Variants in PTPRT observed in about 807,000 individuals in gnomAD.
PTPRT encodes the protein protein tyrosine phosphatase receptor type T.
Under a neutral mutation model 176.8 loss-of-function variants are expected in PTPRT, and 56 were observed. The observed-to-expected ratio is 0.32, with a 90% CI of 0.26 to 0.40. The LOEUF (loss-of-function observed/expected upper bound fraction) is 0.40. Among genes scored for constraint, PTPRT ranks in the 10% least tolerant of loss-of-function variants. The probability of loss-of-function intolerance (pLI) is 1.00; values close to 1 mark genes in which losing one functional copy is unlikely to be tolerated. For missense variants in PTPRT, 1,540 were observed against 1,908.2 expected (o/e 0.81, Z 3.60); for synonymous variants, 783 against 739.0 (o/e 1.06, Z -0.96).
At chr20:42,985,292 C>T (rs1295857420) in intron 1 of PTPRT, among the ~76,000 whole-genome samples, 2 of 151,938 alleles carry the variant, frequency 1.3e-5, no homozygotes, top group Admixed American at 6.6e-5. Context: ...GTCAGGAGTT[C>T]GAGACCAGCC....
chr20:43,167,773 C>T (rs2014892896), intron 1 of PTPRT, among the ~76,000 whole-genome samples: 2 of 152,200 alleles, frequency 1.3e-5, no homozygotes, highest in South Asian at 2.1e-4. Flanking sequence ...CAACAGCCCC[C>T]TCAAGGAGCT....
intron 7 of PTPRT, among the ~76,000 whole-genome samples, chr20:42,612,879 G>A (rs897426125): frequency 6.6e-6 from 1 of 151,854 alleles, no homozygotes; most frequent in African/African-American, 2.4e-5. Flanking sequence ...TCTGTGGTGT[G>A]GGAATGTGGT....
chr20:43,016,197 C>T (rs570095780), intron 1 of PTPRT, among the ~76,000 whole-genome samples: 1 of 152,336 alleles, frequency 6.6e-6, no homozygotes, highest in East Asian at 1.9e-4. Flanking sequence ...GGGACAGCTG[C>T]ACCCACAGCC....
intron 7 of PTPRT, among the ~76,000 whole-genome samples, chr20:42,659,006 A>C (rs1382360401): frequency 1.3e-5 from 2 of 152,098 alleles, no homozygotes; most frequent in Non-Finnish European, 2.9e-5. Flanking sequence ...ATTTTGTATA[A>C]TCTCCATGTG....
chr20:42,039,332 C>G, the PTPRT span, among the ~76,000 whole-genome samples: 5 of 152,084 alleles, frequency 3.3e-5, no homozygotes, highest in South Asian at 8.3e-4. Flanking sequence ...GTTCACATAC[C>G]TATTTTTGGC....
chr20:42,902,034 C>T (rs1212916285), intron 1 of PTPRT, among the ~76,000 whole-genome samples: 1 of 152,154 alleles, frequency 6.6e-6, no homozygotes, highest in Non-Finnish European at 1.5e-5. Context: ...TTTACTCATT[C>T]TTCCTTCCAA....
chr20:42,162,991 C>T (rs2146510214), intron 16 of PTPRT, among the ~76,000 whole-genome samples: 1 of 152,326 alleles, frequency 6.6e-6, no homozygotes, highest in Admixed American at 6.5e-5. Flanking sequence ...CCAGTTTTAA[C>T]ATTGAAAGTA....
At chr20:43,057,640 A>T (rs1987297790) in intron 1 of PTPRT, among the ~76,000 whole-genome samples, 1 of 152,226 alleles carries the variant, frequency 6.6e-6, no homozygotes. Flanking sequence ...TGGTACAAGG[A>T]ACTCTGTACT....
intron 7 of PTPRT, among the ~76,000 whole-genome samples, chr20:42,614,070 G>C (rs1025651483): frequency 6.6e-6 from 1 of 152,092 alleles, no homozygotes; most frequent in Admixed American, 6.5e-5. Flanking sequence ...TGTCAGCAGG[G>C]TGGATTCCTT....
chr20:42,963,506 G>A (rs186714996), intron 1 of PTPRT, among the ~76,000 whole-genome samples: 5 of 151,768 alleles, frequency 3.3e-5, no homozygotes, highest in Admixed American at 3.3e-4. Flanking sequence ...AAAGTTGGTC[G>A]TGAGTGCCCA....
At position 42,620,182 on chromosome 20, in the gene PTPRT, C is replaced by G. The variant is rs1424041336; in HGVS notation, c.1153+57684G>C. 4.0e-4 allele frequency among the ~76,000 whole-genome samples: 59 copies of G among 147,440 alleles called. 1 individual carries two copies. The highest frequency in any genetic ancestry group is 7.0e-4 in the Non-Finnish European group (47 of 66,964). On this transcript the variant is annotated intron_variant, in intron 7 of 30. Transcript: ENST00000373187. ...ACAGACAGGACCCTCAGCTGCAGGT[C>G]TGTTGGAATACCCTGCCTTGTGAGG...
chr20:42,068,970 A>G (rs900857130), downstream of PTPRT, among the ~76,000 whole-genome samples: 1 of 152,150 alleles, frequency 6.6e-6, no homozygotes, highest in African/African-American at 2.4e-5. Context: ...TCAAAAGGAG[A>G]TACTAATTCT....
intron 7 of PTPRT, among the ~76,000 whole-genome samples, chr20:42,494,482 T>G (rs760105670): frequency 1.3e-5 from 2 of 152,118 alleles, no homozygotes; most frequent in African/African-American, 4.8e-5. Context: ...CAGATATCAA[T>G]GACTAACTCT....
rs1246200155 is a variant in PTPRT at position 43,132,613 on chromosome 20, GA to G, written c.88+57032del. ...AGAATAAACACAGCATGAAGAATCAGAAAAATCTAAAAATATGATTATTTTA... is the reference window on the plus strand; with the variant it reads ...AGAATAAACACAGCATGAAGAATCAGAAAATCTAAAAATATGATTATTTTA... On this transcript the variant is annotated intron_variant, in intron 1 of 30. Coordinates refer to ENST00000373187, the MANE Select transcript of PTPRT (RefSeq NM_007050.6). 7.9e-5 allele frequency among the ~76,000 whole-genome samples: 12 copies of G among 152,170 alleles called. No individual in the cohort carries two copies. In the East Asian group the frequency reaches 2.3e-3, roughly 29 times the overall value.
intron 7 of PTPRT, among the ~76,000 whole-genome samples, chr20:42,613,864 T>C (rs569211009): frequency 2.4e-3 from 367 of 152,136 alleles, no homozygotes; most frequent in Non-Finnish European, 4.3e-3. Context: ...GAATGTGCTT[T>C]CAAAACGTTT....
intron 9 of PTPRT, among the ~76,000 whole-genome samples, chr20:42,434,192 T>C (rs1017126347): frequency 6.6e-6 from 1 of 152,220 alleles, no homozygotes; most frequent in African/African-American, 2.4e-5. Context: ...TTTCTAACAC[T>C]ATATACTATT....
intron 27 of PTPRT, among the ~76,000 whole-genome samples, chr20:42,086,093 A>T (rs565914989): frequency 6.6e-6 from 1 of 152,094 alleles, no homozygotes; most frequent in East Asian, 1.9e-4. Flanking sequence ...GATTATAGGC[A>T]CCTGCCACCA....
At chr20:42,857,600 C>T (rs1479459734) in intron 2 of PTPRT, among the ~76,000 whole-genome samples, 2 of 152,172 alleles carry the variant, frequency 1.3e-5, no homozygotes, top group Non-Finnish European at 1.5e-5. Flanking sequence ...TGGAGCTCAG[C>T]GACTGCTAAG....
chr20:42,392,969 C>T (rs80037759), intron 9 of PTPRT, among the ~76,000 whole-genome samples: 10,411 of 151,948 alleles, frequency 0.069, 447 homozygotes, highest in African/African-American at 0.12. Context: ...TTTTTTAATG[C>T]TTACATTTGA....
Sources: allele counts gnomAD v4.1 joint callset (sites outside exome capture counted in the v4.1 genomes callset), GRCh38; gene constraint gnomAD v4.1.1; transcripts MANE v1.5; gene names NCBI Gene and HGNC (gene_info 2026-07-23, HGNC 2026-07-21).